The following TEKT5 variants were observed in gnomAD, a reference collection of about 807,000 sequenced individuals.
TEKT5 encodes the protein tektin-5.
A neutral mutation model predicts 48.7 loss-of-function variants in TEKT5; 52 were observed. That is an observed-to-expected ratio of 1.07 (90% CI 0.86 to 1.35). TEKT5 has a LOEUF of 1.35. Among genes scored for constraint, TEKT5 ranks in the 40% most tolerant of loss-of-function variants. The pLI is 0.00. For missense variants in TEKT5, 831 were observed against 641.6 expected, an observed-to-expected ratio of 1.30 and a Z score of -3.19; for synonymous variants, 318 against 267.6, an observed-to-expected ratio of 1.19 and a Z score of -1.84.
intron 3 of TEKT5, among the ~76,000 whole-genome samples, chr16:10,684,291 T>A (rs1438446815): frequency 6.6e-6 from 1 of 152,024 alleles, no homozygotes; most frequent in Admixed American, 6.6e-5. Context: ...CTCCCTCCCT[T>A]CTTGTGTCTA....
intron 5 of TEKT5, among the ~76,000 whole-genome samples, chr16:10,636,843 G>C (rs1897920766): frequency 7.2e-6 from 1 of 139,444 alleles, no homozygotes; most frequent in East Asian, 2.1e-4. Context: ...TTGACAGGGA[G>C]TCTCGCTCTG....
At chr16:10,666,978 C>CTTTTTTTTT (rs201657619) in intron 5 of TEKT5, among the ~76,000 whole-genome samples, 6 of 124,670 alleles carry the variant, frequency 4.8e-5, no homozygotes, top group Non-Finnish European at 8.4e-5. Context: ...TGGCTCCTTA[C>CTTTTTTTTT]TTTTTTTTTT....
intron 5 of TEKT5, among the ~76,000 whole-genome samples, chr16:10,663,453 T>G (rs1411523085): frequency 6.6e-6 from 1 of 152,236 alleles, no homozygotes; most frequent in African/African-American, 2.4e-5. Flanking sequence ...AGGAGATGCT[T>G]GGCTCAGTGC....
At chr16:10,645,279 G>A (rs1349041620) in intron 5 of TEKT5, among the ~76,000 whole-genome samples, 1 of 152,174 alleles carries the variant, frequency 6.6e-6, no homozygotes, top group Non-Finnish European at 1.5e-5. Context: ...AGAGGCTGAG[G>A]TGGGAGGATT....
chr16:10,676,253 G>A, intron 4 of TEKT5, 72 bp from the exon 5 acceptor site: 7 of 1,455,914 alleles, frequency 4.8e-6, no homozygotes, highest in Non-Finnish European at 4.8e-6. Context: ...CGCCTTGGCA[G>A]TCTTGGCCTC....
At chr16:10,680,412 T>G (rs1898726646) in intron 4 of TEKT5, among the ~76,000 whole-genome samples, 1 of 152,010 alleles carries the variant, frequency 6.6e-6, no homozygotes, top group Non-Finnish European at 1.5e-5. Context: ...CAATAAAAAT[T>G]TATTGCATAC....
At chr16:10,674,637 A>AG (rs1294637226) in intron 5 of TEKT5, among the ~76,000 whole-genome samples, 1 of 144,206 alleles carries the variant, frequency 6.9e-6, no homozygotes, top group Non-Finnish European at 1.5e-5. Flanking sequence ...AAAAAAAAAA[A>AG]AAAACAGAGA....
intron 5 of TEKT5, among the ~76,000 whole-genome samples, chr16:10,649,690 C>A (rs879879954): frequency 6.6e-6 from 1 of 152,200 alleles, no homozygotes; most frequent in Admixed American, 6.5e-5. Flanking sequence ...CCCACACTGG[C>A]CTCCTAAAGT....
In TEKT5 at chr16:10,635,886, G is replaced by C. The variant is rs1159432740; in HGVS notation, c.1119C>G (p.Thr373=). ...TLQEIFQAEN[T]IMLLERSIMA... Reference sequence around the variant, plus strand: ...TGATGGACCTTTCCAGCAGCATGATGGTGTTCTCGGCCTGGAAGATCTCCT... The same window carrying C: ...TGATGGACCTTTCCAGCAGCATGATCGTGTTCTCGGCCTGGAAGATCTCCT... The change falls in exon 6 of 7, where the codon ACC becomes ACG. Residue 373 remains threonine, a synonymous_variant. Coordinates refer to ENST00000283025, the MANE Select transcript of TEKT5 (RefSeq NM_144674.2). The C allele has an allele frequency of 6.2e-7, 1 of 1,614,060 alleles. No individual in the cohort carries two copies. The highest frequency in any genetic ancestry group is 1.7e-5 in the Admixed American group (1 of 60,020).
At chr16:10,636,057 T>C (rs890441140) in intron 5 of TEKT5, 139 bp from the exon 6 acceptor site, 2 of 1,333,924 alleles carry the variant, frequency 1.5e-6, no homozygotes, top group African/African-American at 2.9e-5. Flanking sequence ...TGAGCACCTT[T>C]AGGGCAGGAA....
At chr16:10,683,977 C>T (rs1486070250) in intron 3 of TEKT5, among the ~76,000 whole-genome samples, 1 of 152,232 alleles carries the variant, frequency 6.6e-6, no homozygotes, top group Non-Finnish European at 1.5e-5. Flanking sequence ...ATCACCCTTT[C>T]CATTAATAGA....
chr16:10,633,788 C>G (rs1484491481), intron 6 of TEKT5, among the ~76,000 whole-genome samples: 1 of 152,100 alleles, frequency 6.6e-6, no homozygotes, highest in Non-Finnish European at 1.5e-5. Context: ...TCAAGTGATC[C>G]TCCTGCCTCG....
rs1264693151 is a variant in TEKT5, at chr16:10,627,586, G to A, written c.1455C>T (p.Thr485=). The A allele has an allele frequency of 6.2e-7, 1 of 1,613,988 alleles. No individual in the cohort carries two copies. Among genetic ancestry groups the A allele is most frequent in the Non-Finnish European group, 8.5e-7 (1 of 1,179,958 alleles). The change falls in exon 7 of 7, where the codon ACC becomes ACT. Residue 485 remains threonine (T), a synonymous_variant. Transcript: ENST00000283025. ...FPCTPRLVGH[T] ...GAATGAGGCGCCAGGGCGGTGCTCA[G>A]GTGTGGCCCACCAGGCGCGGGGTGC...
chr16:10,690,847 T>C (rs1482414126), intron 1 of TEKT5: 5 of 929,698 alleles, frequency 5.4e-6, no homozygotes, highest in South Asian at 5.0e-5. Flanking sequence ...AAGCAGGATG[T>C]CAAGGTCTGG....
At chr16:10,690,782 C>T (rs185191663) in intron 1 of TEKT5, 31 of 985,406 alleles carry the variant, frequency 3.1e-5, no homozygotes, top group Middle Eastern at 5.2e-4. Context: ...AGCTGACAAA[C>T]AGCAGTGATT....
chr16:10,633,631 C>T (rs1348027325), intron 6 of TEKT5, among the ~76,000 whole-genome samples: 2 of 152,152 alleles, frequency 1.3e-5, no homozygotes, highest in Admixed American at 6.5e-5. Flanking sequence ...CAGCCTCCAA[C>T]TCCTGGGCTT....
At chr16:10,655,728 C>T (rs1898250143) in intron 5 of TEKT5, among the ~76,000 whole-genome samples, 1 of 152,194 alleles carries the variant, frequency 6.6e-6, no homozygotes, top group Admixed American at 6.5e-5. Flanking sequence ...TATCTTCCTG[C>T]TAGCTCAAAC....
chr16:10,675,327 G>A (rs1898625227), intron 5 of TEKT5, among the ~76,000 whole-genome samples: 1 of 152,120 alleles, frequency 6.6e-6, no homozygotes, highest in Non-Finnish European at 1.5e-5. Context: ...GGCACCCAGT[G>A]GGAATCTAAA....
chr16:10,693,987 T>C (rs1899027601), intron 1 of TEKT5, among the ~76,000 whole-genome samples: 2 of 151,860 alleles, frequency 1.3e-5, no homozygotes, highest in East Asian at 1.9e-4. Flanking sequence ...AATAAATAAG[T>C]CAGTTATTTT....
Sources: allele counts gnomAD v4.1 joint callset (sites outside exome capture counted in the v4.1 genomes callset), GRCh38; gene constraint gnomAD v4.1.1; transcripts MANE v1.5; gene names NCBI Gene and HGNC (gene_info 2026-07-23, HGNC 2026-07-21).